Variants in PPP2R2B observed in about 807,000 individuals in gnomAD.
PPP2R2B encodes the protein serine/threonine-protein phosphatase 2A 55 kDa regulatory subunit B beta isoform.
In PPP2R2B, 5 loss-of-function variants were observed where a neutral mutation model predicts 46.0. That is an observed-to-expected ratio of 0.11 (90% CI 0.06 to 0.23). The LOEUF (loss-of-function observed/expected upper bound fraction) is 0.23, where lower values mean the gene tolerates loss of function less well. Ranked by LOEUF, PPP2R2B falls within the 10% of genes least tolerant of loss-of-function variation. PPP2R2B has a pLI of 1.00. For synonymous variants in PPP2R2B, 215 were observed against 206.7 expected (o/e 1.04, Z -0.34); for missense variants, 367 against 575.0 (o/e 0.64, Z 3.70).
chr5:146,666,729 C>CCT (rs1263621150), intron 5 of PPP2R2B, among the ~76,000 whole-genome samples: 14 of 152,342 alleles, frequency 9.2e-5, no homozygotes, highest in African/African-American at 3.1e-4. Flanking sequence ...GGCCACTTGG[C>CCT]CTCCACAAAT....
chr5:147,033,071 T>C (rs1755872192), intron 1 of PPP2R2B, among the ~76,000 whole-genome samples: 1 of 152,126 alleles, frequency 6.6e-6, no homozygotes. Flanking sequence ...CATGCTATAG[T>C]GACAAATGAA....
chr5:146,846,107 C>T (rs926390362), intron 2 of PPP2R2B, among the ~76,000 whole-genome samples: 17 of 152,152 alleles, frequency 1.1e-4, no homozygotes, highest in African/African-American at 4.1e-4. Context: ...TGGCCAGGTG[C>T]AGTGGCTCAC....
At chr5:146,690,145 C>G (rs1277490330) in intron 5 of PPP2R2B, among the ~76,000 whole-genome samples, 1 of 152,220 alleles carries the variant, frequency 6.6e-6, no homozygotes. Flanking sequence ...AGCAGAGCTG[C>G]TGGTGTCTGA....
chr5:146,745,126 A>AT (rs1262206417), intron 2 of PPP2R2B, among the ~76,000 whole-genome samples: 1 of 149,800 alleles, frequency 6.7e-6, no homozygotes, highest in Non-Finnish European at 1.5e-5. Context: ...GTCTTGACTC[A>AT]TTTTCCCCCA....
At position 146,832,256 on chromosome 5, in the gene PPP2R2B, G is replaced by T. The variant is rs10077183; in HGVS notation, c.70+45746C>A. On this transcript the variant is annotated intron_variant, in intron 2 of 9. Transcript: ENST00000394411. ...CTAGGTTTACAGTGTTTATAGCAGT[G>T]TACAATAATGTCCTTGGCCTTCACA... Among the ~76,000 whole-genome samples, 281 of 151,906 alleles carry T rather than the reference G, an allele frequency of 1.8e-3. 1 individual carries two copies. Among genetic ancestry groups the T allele is most frequent in the Middle Eastern group, 6.8e-3 (2 of 294 alleles).
intron 2 of PPP2R2B, among the ~76,000 whole-genome samples, chr5:146,853,903 G>A (rs1307345489): frequency 6.6e-6 from 1 of 151,792 alleles, no homozygotes; most frequent in Non-Finnish European, 1.5e-5. Flanking sequence ...TTCCTCATGA[G>A]CCCTGCTCTG....
At chr5:146,651,007 G>C (rs1300846453) in intron 5 of PPP2R2B, among the ~76,000 whole-genome samples, 1 of 151,966 alleles carries the variant, frequency 6.6e-6, no homozygotes, top group Non-Finnish European at 1.5e-5. Flanking sequence ...CATCTCAGGG[G>C]AACTTGGCTT....
chr5:146,892,266 AC>A (rs1762512845), intron 1 of PPP2R2B, among the ~76,000 whole-genome samples: 1 of 152,108 alleles, frequency 6.6e-6, no homozygotes, highest in Admixed American at 6.5e-5. Flanking sequence ...AATTCTCTTA[AC>A]TTTTCTCATA....
rs920467106 is a variant in PPP2R2B at position 146,726,450 on chromosome 5, T to C, written c.71-25308A>G. ...ATGGCCAAGTATAAACACACACACA[T>C]ACCCTGATTATTAACAATAGTGACC... On this transcript the variant is annotated intron_variant, in intron 2 of 9. Coordinates refer to ENST00000394411, the MANE Select transcript of PPP2R2B (RefSeq NM_181675.4). Among the ~76,000 whole-genome samples the C allele has an allele frequency of 2.0e-5, 3 of 152,124 alleles. No individual in the cohort carries two copies. In the South Asian group the frequency reaches 6.2e-4, roughly 32 times the overall value.
chr5:146,755,779 T>C (rs144975394), intron 2 of PPP2R2B, among the ~76,000 whole-genome samples: 1 of 152,296 alleles, frequency 6.6e-6, no homozygotes, highest in East Asian at 1.9e-4. Flanking sequence ...AATTTGTTTT[T>C]CAACTTCGAG....
At chr5:147,035,108 C>T in intron 1 of PPP2R2B, 1 of 455,912 alleles carries the variant, frequency 2.2e-6, no homozygotes, top group South Asian at 1.5e-5. Context: ...TCTCACACAG[C>T]TATTGTATAA....
chr5:146,707,084 T>C lies in PPP2R2B; in HGVS notation c.71-5942A>G, dbSNP rs1006557253. 2.6e-5 allele frequency: 38 copies of C among 1,463,148 alleles called. No individual in the cohort carries two copies. The Admixed American group carries it at 6.0e-4, about 23-fold the overall frequency. 90.6% of individuals were successfully genotyped at this position (1,463,148 alleles called of 1,614,324 possible). Reference sequence around the variant, plus strand: ...TTATTGATCTCATCCTCATAGTTGTTCTTGAAGTCCTCCACCAGCCCCTGC... The same window carrying C: ...TTATTGATCTCATCCTCATAGTTGTCCTTGAAGTCCTCCACCAGCCCCTGC... On this transcript the variant is annotated intron_variant, in intron 2 of 9. Transcript: ENST00000394411.
At chr5:146,773,510 A>G (rs1582071759) in intron 2 of PPP2R2B, among the ~76,000 whole-genome samples, 2 of 152,224 alleles carry the variant, frequency 1.3e-5, no homozygotes, top group South Asian at 4.1e-4. Context: ...AACAGAATGC[A>G]TTCTCCATTG....
At chr5:146,675,206 C>T (rs1345943919) in intron 5 of PPP2R2B, among the ~76,000 whole-genome samples, 2 of 152,078 alleles carry the variant, frequency 1.3e-5, no homozygotes, top group Non-Finnish European at 2.9e-5. Context: ...GTGATCCACC[C>T]GCCTCAGCCT....
Position 146,689,738 on chromosome 5 carries a change from C to T in PPP2R2B, c.447+1390G>A, listed in dbSNP as rs139989522. 4.4e-3 allele frequency among the ~76,000 whole-genome samples: 674 copies of T among 152,328 alleles called. 7 individuals are homozygous for T. Among genetic ancestry groups the T allele is most frequent in the African/African-American group, 0.015 (615 of 41,574 alleles). On this transcript the variant is annotated intron_variant, in intron 5 of 9. Transcript: ENST00000394411. The stretch of plus-strand genomic sequence containing the variant: ...CTACGCTACTTTCCAGCCTCCAAAA[C>T]CCCTGCACATTCAGAGCATCAAGCC...
At chr5:147,028,363 T>C (rs536915995) in intron 1 of PPP2R2B, among the ~76,000 whole-genome samples, 7 of 152,324 alleles carry the variant, frequency 4.6e-5, no homozygotes, top group South Asian at 4.1e-4. Flanking sequence ...CTGATTTTTT[T>C]CACCCATTTT....
chr5:146,618,173 G>A (rs573423193), intron 7 of PPP2R2B, among the ~76,000 whole-genome samples: 1 of 152,332 alleles, frequency 6.6e-6, no homozygotes, highest in Admixed American at 6.5e-5. Context: ...TGGGCTCAGT[G>A]TAATGACCAT....
In PPP2R2B at chr5:146,632,375, C is replaced by A. The variant is rs114223999; in HGVS notation, c.790+5876G>T. Among the ~76,000 whole-genome samples the A allele has an allele frequency of 2.1e-3, 325 of 152,280 alleles. 3 individuals carry two copies. The highest frequency in any genetic ancestry group is 7.6e-3 in the African/African-American group (314 of 41,556). On this transcript the variant is annotated intron_variant, in intron 7 of 9. Transcript: ENST00000394411. The stretch of plus-strand genomic sequence containing the variant: ...CATCTTGGGCTTCCAGCCTCCAGAA[C>A]TTTGAAAAAATAGTTGAATTGTTTA...
intron 2 of PPP2R2B, among the ~76,000 whole-genome samples, chr5:146,870,100 C>T (rs927168079): frequency 3.3e-5 from 5 of 152,204 alleles, no homozygotes; most frequent in African/African-American, 1.2e-4. Context: ...CAAGCTGATC[C>T]TTCTACGTCA....
Sources: gnomAD v4.1 joint callset for allele counts (sites outside exome capture counted in the v4.1 genomes callset) on GRCh38, gnomAD v4.1.1 for gene constraint, MANE v1.5 for transcripts, NCBI Gene and HGNC (gene_info 2026-07-23, HGNC 2026-07-21) for gene names.